The following RBM17 variants were observed in gnomAD, a reference collection of about 807,000 sequenced individuals.
RBM17 encodes the protein splicing factor 45.
Under a neutral mutation model 53.2 loss-of-function variants are expected in RBM17, and 7 were observed. That is an observed-to-expected ratio of 0.13 (90% CI 0.07 to 0.25). RBM17 has a LOEUF of 0.25. Ranked by LOEUF, RBM17 falls within the 10% of genes least tolerant of loss-of-function variation. The pLI, the probability that RBM17 is intolerant of heterozygous loss-of-function variation, is 1.00. For synonymous variants in RBM17, 167 were observed against 178.1 expected, an observed-to-expected ratio of 0.94 and a Z score of 0.50; for missense variants, 257 against 496.7, an observed-to-expected ratio of 0.52 and a Z score of 4.59.
At chr10:6,091,769 C>T (rs1840489712) in intron 1 of RBM17, among the ~76,000 whole-genome samples, 1 of 151,628 alleles carries the variant, frequency 6.6e-6, no homozygotes. Context: ...GCTTACACTG[C>T]AGGAAGAAAC....
intron 10 of RBM17, 24 bp from the exon 11 acceptor site, chr10:6,115,215 C>T (rs1320871724): frequency 1.3e-6 from 2 of 1,596,790 alleles, no homozygotes; most frequent in Non-Finnish European, 8.6e-7. Context: ...TGCCTTTACT[C>T]ATCACGCTCT....
intron 10 of RBM17, 95 bp downstream of exon 10, chr10:6,114,242 C>T (rs1840881239): frequency 8.7e-6 from 6 of 687,278 alleles, no homozygotes; most frequent in South Asian, 1.8e-5. Flanking sequence ...CTATAAGTAA[C>T]ATTCTTACTG....
chr10:6,090,700 T>G (rs1840468731), intron 1 of RBM17, among the ~76,000 whole-genome samples: 2 of 152,166 alleles, frequency 1.3e-5, no homozygotes, highest in Admixed American at 6.6e-5. Context: ...CCTTTCATAA[T>G]AGTCAATAGT....
chr10:6,101,463 T>C, intron 3 of RBM17, 76 bp downstream of exon 3: 1 of 773,348 alleles, frequency 1.3e-6, no homozygotes, highest in East Asian at 2.9e-5. Context: ...GAGTTACTCT[T>C]AACAGATGGC....
chr10:6,096,068 A>G (rs576479336), intron 1 of RBM17, among the ~76,000 whole-genome samples: 106 of 152,346 alleles, frequency 7.0e-4, no homozygotes, highest in Non-Finnish European at 1.4e-3. Context: ...CTACTGTGCT[A>G]AGCATTTACT....
chr10:6,113,960 T>C, intron 9 of RBM17, 89 bp from the exon 10 acceptor site: 1 of 825,772 alleles, frequency 1.2e-6, no homozygotes, highest in Non-Finnish European at 2.0e-6. Flanking sequence ...TTGAGAACAT[T>C]TACCATCACT....
rs61731884 is a variant in RBM17 at position 6,110,095 on chromosome 10, C to T, written c.672C>T (p.Thr224=). The change falls in exon 7 of 12, where the codon ACC becomes ACT. Residue 224 remains threonine (T), a synonymous_variant. Coordinates refer to ENST00000379888, the MANE Select transcript of RBM17 (RefSeq NM_032905.5). ...YEEQDRPRSP[T]GPSNSFLANM... ...AACAAGACAGACCGAGATCTCCAAC[C>T]GGACCTAGCAACTCCTTCCTCGCTA... is the stretch of plus-strand genomic sequence containing the variant. 6.1e-3 allele frequency: 9,862 copies of T among 1,610,642 alleles called. 38 individuals are homozygous for T. The highest frequency in any genetic ancestry group is 9.6e-3 in the Middle Eastern group (58 of 6,048).
At chr10:6,108,326 A>G (rs989279374) in intron 5 of RBM17, among the ~76,000 whole-genome samples, 18 of 152,110 alleles carry the variant, frequency 1.2e-4, no homozygotes, top group African/African-American at 4.1e-4. Context: ...ATGTGTATAA[A>G]GGGCCTAATG....
At chr10:6,099,784 G>T (rs1484043952) in intron 2 of RBM17, among the ~76,000 whole-genome samples, 1 of 152,136 alleles carries the variant, frequency 6.6e-6, no homozygotes, top group Non-Finnish European at 1.5e-5. Context: ...CTGGCTGGGC[G>T]TGGTGGCTCA....
At chr10:6,098,287 G>C (rs1004876157) in intron 2 of RBM17, among the ~76,000 whole-genome samples, 2 of 152,092 alleles carry the variant, frequency 1.3e-5, no homozygotes, top group South Asian at 4.1e-4. Flanking sequence ...TTTCATGTGC[G>C]GGAGAAAATT....
intron 1 of RBM17, among the ~76,000 whole-genome samples, chr10:6,094,628 G>A (rs960800264): frequency 2.0e-5 from 3 of 152,204 alleles, no homozygotes; most frequent in Admixed American, 6.5e-5. Flanking sequence ...ATGTGTTTGG[G>A]AGCCACAGTG....
intron 2 of RBM17, 26 bp downstream of exon 2, chr10:6,097,214 G>A: frequency 6.2e-7 from 1 of 1,609,510 alleles, no homozygotes. Flanking sequence ...GAGCATGAGA[G>A]CAGAGGCCTC....
chr10:6,095,378 A>G (rs372678264), intron 1 of RBM17, among the ~76,000 whole-genome samples: 1 of 151,942 alleles, frequency 6.6e-6, no homozygotes, highest in Non-Finnish European at 1.5e-5. Context: ...ACGCCCAGCT[A>G]ATTTTTGTAT....
intron 7 of RBM17, among the ~76,000 whole-genome samples, chr10:6,111,172 C>T (rs916402704): frequency 5.3e-5 from 8 of 152,096 alleles, no homozygotes; most frequent in Admixed American, 2.0e-4. Context: ...CCAGTTGAAG[C>T]GGGATTTTGT....
chr10:6,106,564 G>A (rs566357302), intron 5 of RBM17, among the ~76,000 whole-genome samples: 1 of 152,152 alleles, frequency 6.6e-6, no homozygotes, highest in Admixed American at 6.5e-5. Context: ...TTTCTCTTAG[G>A]GGGGAAGCAT....
Position 6,089,093 on chromosome 10 carries a change from G to A in RBM17, c.-119G>A. The stretch of plus-strand genomic sequence containing the variant: ...CCTGAGGACTCAGCGAAGGGTGGGC[G>A]CCGCCGAGGCCTCCTGCCGCTGGCG... On this transcript the variant is annotated 5_prime_UTR_variant, in exon 1 of 12. Transcript: ENST00000379888. The surrounding 1 kb of genome is among the most constrained non-coding windows in gnomAD (Gnocchi z 5.6). 6.4e-6 allele frequency: 1 copy of A among 157,388 alleles called. No individual in the cohort carries two copies. The highest frequency in any genetic ancestry group is 1.4e-5 in the Non-Finnish European group (1 of 71,490). 9.7% of individuals were successfully genotyped at this position (157,388 alleles called of 1,614,324 possible). A position where few individuals can be genotyped will look rare whatever the true frequency, so the allele number is the denominator to read the frequency against.
At chr10:6,098,639 G>C (rs11256717) in intron 2 of RBM17, among the ~76,000 whole-genome samples, 1 of 120,640 alleles carries the variant, frequency 8.3e-6, no homozygotes. Context: ...GCAGTGGCAT[G>C]ATCTCAGCTC....
At chr10:6,101,655 C>T (rs574940387) in intron 3 of RBM17, among the ~76,000 whole-genome samples, 1 of 152,232 alleles carries the variant, frequency 6.6e-6, no homozygotes, top group East Asian at 1.9e-4. Flanking sequence ...AAGTGAAAAA[C>T]GTAATATTTT....
intron 3 of RBM17, among the ~76,000 whole-genome samples, chr10:6,104,244 A>G (rs1482610503): frequency 6.6e-6 from 1 of 152,172 alleles, no homozygotes; most frequent in Non-Finnish European, 1.5e-5. Flanking sequence ...TGTCATGGCT[A>G]CCTCTTTTCT....
Sources: gnomAD v4.1 joint callset for allele counts (sites outside exome capture counted in the v4.1 genomes callset) on GRCh38, gnomAD v4.1.1 for gene constraint, Gnocchi (gnomAD v3.1) non-coding constraint, MANE v1.5 for transcripts, NCBI Gene and HGNC (gene_info 2026-07-23, HGNC 2026-07-21) for gene names.